Variants in TRANK1 observed in about 807,000 individuals in gnomAD.
TRANK1 encodes TPR and ankyrin repeat-containing protein 1.
A neutral mutation model predicts 266.0 loss-of-function variants in TRANK1; 198 were observed. The observed-to-expected ratio is 0.74, with a 90% CI of 0.66 to 0.84. The LOEUF (loss-of-function observed/expected upper bound fraction) is 0.84, where lower values mean the gene tolerates loss of function less well. TRANK1 is among the 40% of genes least tolerant of loss of function. The probability of loss-of-function intolerance (pLI) is 0.00; values close to 1 mark genes in which losing one functional copy is unlikely to be tolerated. For missense variants in TRANK1, 3,326 were observed against 3,634.6 expected, an observed-to-expected ratio of 0.92 and a Z score of 2.18; for synonymous variants, 1,396 against 1,384.1, an observed-to-expected ratio of 1.01 and a Z score of -0.19.
rs934098184 is a variant in TRANK1, at chr3:36,827,898, C to G, written c.*377G>C. 6.0e-6 allele frequency: 1 copy of G among 167,042 alleles called. No homozygotes were observed. The highest frequency in any genetic ancestry group is 2.4e-5 in the African/African-American group (1 of 41,834). 10.3% of individuals were successfully genotyped at this position (167,042 alleles called of 1,614,324 possible). On this transcript the variant is annotated 3_prime_UTR_variant, in exon 24 of 24. Transcript: ENST00000645898. Reference sequence around the variant, plus strand: ...ATTTCCTGGCCCAGAGCAGCAGCAACTGAGGTGAGGAGAGTCTGTCCTAAC... The same window carrying G: ...ATTTCCTGGCCCAGAGCAGCAGCAAGTGAGGTGAGGAGAGTCTGTCCTAAC...
At chr3:36,915,856 G>A (rs1487631251) in intron 1 of TRANK1, among the ~76,000 whole-genome samples, 1 of 152,170 alleles carries the variant, frequency 6.6e-6, no homozygotes, top group African/African-American at 2.4e-5. Context: ...GAGGACAGTA[G>A]GTGTCCAGGC....
chr3:36,839,339 G>A lies in TRANK1; in HGVS notation c.5281-623C>T, dbSNP rs1173229454. On this transcript the variant is annotated intron_variant, in intron 18 of 23. Transcript: ENST00000645898. ...CAGAAAGCTGCTTTTCTAAAACAGG[G>A]GTGCTGATGCTATGTCTCAAAGCAC... is the stretch of plus-strand genomic sequence containing the variant. 2.0e-5 allele frequency among the ~76,000 whole-genome samples: 3 copies of A among 152,144 alleles called. No individual in the cohort carries two copies. In the East Asian group the frequency reaches 5.8e-4, roughly 29 times the overall value.
chr3:36,829,712 C>T (rs778235977), intron 22 of TRANK1, 50 bp from the exon 23 acceptor site: 32 of 1,581,198 alleles, frequency 2.0e-5, no homozygotes, highest in Middle Eastern at 1.7e-4. Context: ...ATTGCAGGAA[C>T]TAGAACACCA....
intron 5 of TRANK1, among the ~76,000 whole-genome samples, chr3:36,893,543 A>G (rs1230093049): frequency 1.3e-5 from 2 of 152,184 alleles, no homozygotes; most frequent in African/African-American, 4.8e-5. Context: ...TGGTGAGAGT[A>G]TTTATACTAC....
At chr3:36,906,603 G>A (rs533054271) in intron 2 of TRANK1, among the ~76,000 whole-genome samples, 32 of 152,312 alleles carry the variant, frequency 2.1e-4, no homozygotes, top group Admixed American at 2.1e-3. Context: ...GATCGAGAGA[G>A]ACAGAGGGAG....
At chr3:36,849,789 T>C (rs77064636) in intron 15 of TRANK1, among the ~76,000 whole-genome samples, 1,557 of 152,284 alleles carry the variant, frequency 0.01, 37 homozygotes, top group African/African-American at 0.036. Flanking sequence ...AGGTTGTAAA[T>C]GATAAACTGA....
chr3:36,914,917 C>T (rs1465912313), intron 1 of TRANK1, among the ~76,000 whole-genome samples: 1 of 151,292 alleles, frequency 6.6e-6, no homozygotes, highest in Non-Finnish European at 1.5e-5. Flanking sequence ...GGATTACAGG[C>T]GTGAGCCACC....
intron 2 of TRANK1, among the ~76,000 whole-genome samples, chr3:36,903,547 A>G (rs913018525): frequency 6.6e-6 from 1 of 152,358 alleles, no homozygotes; most frequent in Admixed American, 6.5e-5. Context: ...ACTGATCTCC[A>G]CGCATAATCA....
chr3:36,894,609 T>C (rs2079760839), intron 5 of TRANK1, among the ~76,000 whole-genome samples: 1 of 152,116 alleles, frequency 6.6e-6, no homozygotes, highest in Non-Finnish European at 1.5e-5. Context: ...TCCAGGAGGT[T>C]TCCCATGAAC....
rs1383010968 is a variant in TRANK1 at position 36,831,948 on chromosome 3, A to C, written c.7635T>G (p.Leu2545=). The C allele has an allele frequency of 6.2e-7, 1 of 1,613,908 alleles. No homozygotes were observed. The highest frequency in any genetic ancestry group is 8.5e-7 in the Non-Finnish European group (1 of 1,179,910). Residue 2545 remains leucine (L), a synonymous_variant, in exon 22 of 24, where the codon CTT becomes CTG. Coordinates refer to ENST00000645898, the MANE Select transcript of TRANK1 (RefSeq NM_001329998.2). This position sits in a 1 kb window ranked among gnomAD's most constrained non-coding sequence, Gnocchi z 5.0. ...GYENVNFNVL[L]DAFSEIDYVV... ...CATAGTCTATTTCACTGAAGGCATCAAGCAGGACGTTGAAGTTCACATTCT... is the reference window on the plus strand; with the variant it reads ...CATAGTCTATTTCACTGAAGGCATCCAGCAGGACGTTGAAGTTCACATTCT...
chr3:36,932,044 C>T (rs980648797), intron 1 of TRANK1, among the ~76,000 whole-genome samples: 13 of 152,258 alleles, frequency 8.5e-5, no homozygotes, highest in Middle Eastern at 3.4e-3. Flanking sequence ...TCTTGAATTA[C>T]ATAAATTCAA....
chr3:36,927,665 C>G (rs962470901), intron 1 of TRANK1, among the ~76,000 whole-genome samples: 1 of 152,206 alleles, frequency 6.6e-6, no homozygotes, highest in African/African-American at 2.4e-5. Flanking sequence ...ACGCCACTGG[C>G]CCAGTGGTCG....
chr3:36,890,644 T>C lies in TRANK1; in HGVS notation c.776-684A>G, dbSNP rs1227548396. On this transcript the variant is annotated intron_variant, in intron 7 of 23. Coordinates refer to ENST00000645898, the MANE Select transcript of TRANK1 (RefSeq NM_001329998.2). Reference sequence around the variant, plus strand: ...GGCACAACAGCCTCCACTTTAATAATCAAGCCAGTATCTCTGATAAGATTA... The same window carrying C: ...GGCACAACAGCCTCCACTTTAATAACCAAGCCAGTATCTCTGATAAGATTA... Among the ~76,000 whole-genome samples the C allele has an allele frequency of 3.3e-5, 5 of 152,182 alleles. No homozygotes were observed. In the South Asian group the frequency reaches 6.2e-4, roughly 19 times the overall value.
At chr3:36,869,016 C>A (rs1251036569) in intron 9 of TRANK1, among the ~76,000 whole-genome samples, 2 of 152,208 alleles carry the variant, frequency 1.3e-5, no homozygotes, top group Non-Finnish European at 2.9e-5. Flanking sequence ...AGCTGAGCAG[C>A]AACATCAGGT....
chr3:36,850,462 A>G, intron 15 of TRANK1: 1 of 985,414 alleles, frequency 1.0e-6, no homozygotes, highest in Non-Finnish European at 1.2e-6. Flanking sequence ...GAAATGTACT[A>G]ATCTCAGTGA....
intron 10 of TRANK1, among the ~76,000 whole-genome samples, chr3:36,862,321 C>A (rs2079153682): frequency 1.3e-5 from 2 of 152,026 alleles, no homozygotes; most frequent in Admixed American, 1.3e-4. Flanking sequence ...CTAGTTTCCG[C>A]TTCCCATCTT....
chr3:36,840,471 G>A (rs1030196346), intron 18 of TRANK1, among the ~76,000 whole-genome samples: 2 of 151,982 alleles, frequency 1.3e-5, no homozygotes, highest in African/African-American at 4.8e-5. Context: ...ACTCCTCCCT[G>A]TATCTGTCCA....
chr3:36,944,913 C>T lies in TRANK1; in HGVS notation c.-104G>A. 1 of 1,240,764 alleles carries T rather than the reference C, an allele frequency of 8.1e-7. No individual in the cohort carries two copies. The highest frequency in any genetic ancestry group is 1.9e-5 in the South Asian group (1 of 52,644). The allele number at this position is 1,240,764 out of a possible 1,614,324, so 76.9% of individuals were successfully genotyped here. ...TGCGGAAGCCCGAAAGCTACCGGAG[C>T]CCGGGGCAGGGGCGGCGCGATGCAG... On this transcript the variant is annotated 5_prime_UTR_variant, in exon 1 of 24. Transcript: ENST00000645898.
At position 36,838,393 on chromosome 3, in the gene TRANK1, C is replaced by G. The variant is rs1266303022; in HGVS notation, c.5496G>C (p.Gln1832His). ...ATACCTTTCCCAGCCTCTCGCACAGCTGGGCAGAGAGCTGGAACTCCTTGG... is the reference window on the plus strand; with the variant it reads ...ATACCTTTCCCAGCCTCTCGCACAGGTGGGCAGAGAGCTGGAACTCCTTGG... ...SYAKEFQLSAQLCERLGKIRD... is the reference protein window; with the variant it reads ...SYAKEFQLSAHLCERLGKIRD... Residue 1832 changes from glutamine (Q) to histidine (H), a missense_variant, in exon 20 of 24, where the codon CAG becomes CAC. Coordinates refer to ENST00000645898, the MANE Select transcript of TRANK1 (RefSeq NM_001329998.2). 1.2e-6 allele frequency: 2 copies of G among 1,614,034 alleles called. No homozygotes were observed. Among genetic ancestry groups the G allele is most frequent in the Admixed American group, 1.7e-5 (1 of 60,028 alleles).
Sources: allele counts gnomAD v4.1 joint callset (sites outside exome capture counted in the v4.1 genomes callset), GRCh38; gene constraint gnomAD v4.1.1; non-coding constraint Gnocchi (gnomAD v3.1); transcripts MANE v1.5; gene names NCBI Gene and HGNC (gene_info 2026-07-23, HGNC 2026-07-21).